POFUT3: variants seen among roughly 807,000 people sequenced by gnomAD.
POFUT3 encodes protein O-fucosyltransferase 3.
chr8:33,408,769 C>T, the POFUT3 span, among the ~76,000 whole-genome samples: 10 of 152,122 alleles, frequency 6.6e-5, no homozygotes, highest in South Asian at 2.1e-3. Context: ...TGACAGAAAT[C>T]AGGTCAGTGT....
the POFUT3 span, among the ~76,000 whole-genome samples, chr8:33,309,165 AAAATATATATATATATATATAT>A: frequency 2.5e-4 from 18 of 71,102 alleles, no homozygotes; most frequent in African/African-American, 1.5e-3. Context: ...AAAAAAAAAA[AAAATATATATATATATATATAT>A]ATATATATAT....
At chr8:33,369,287 T>C in the POFUT3 span, among the ~76,000 whole-genome samples, 1 of 152,228 alleles carries the variant, frequency 6.6e-6, no homozygotes, top group Admixed American at 6.5e-5. Flanking sequence ...AGACAGTATG[T>C]TGCAGAGTAG....
the POFUT3 span, among the ~76,000 whole-genome samples, chr8:33,451,066 A>ATGTG: frequency 0.098 from 14,481 of 147,732 alleles, 1,185 homozygotes; most frequent in African/African-American, 0.23. Flanking sequence ...AAGGAGGTGT[A>ATGTG]TGTGTGTGTG....
At chr8:33,350,893 A>G in the POFUT3 span, among the ~76,000 whole-genome samples, 1 of 152,208 alleles carries the variant, frequency 6.6e-6, no homozygotes, top group African/African-American at 2.4e-5. Context: ...GTATAAATAC[A>G]TTTATATACA....
the POFUT3 span, among the ~76,000 whole-genome samples, chr8:33,397,866 C>A: frequency 6.6e-6 from 1 of 152,150 alleles, no homozygotes; most frequent in Non-Finnish European, 1.5e-5. Context: ...CTTTCTATTG[C>A]AGTCAACATA....
At chr8:33,461,420 T>A in the POFUT3 span, 2 of 1,613,522 alleles carry the variant, frequency 1.2e-6, no homozygotes, top group Admixed American at 3.3e-5. Context: ...ACAGGCAAGA[T>A]GCCAAAAGCT....
the POFUT3 span, among the ~76,000 whole-genome samples, chr8:33,380,015 G>C: frequency 4.1e-3 from 219 of 53,402 alleles, 12 homozygotes; most frequent in African/African-American, 0.016. Flanking sequence ...TATATATATA[G>C]TATATATATA....
the POFUT3 span, among the ~76,000 whole-genome samples, chr8:33,349,445 C>T: frequency 4.6e-5 from 7 of 152,158 alleles, no homozygotes; most frequent in African/African-American, 7.2e-5. Context: ...TCCTACCCTT[C>T]GCACTAAGAC....
At chr8:33,331,756 AG>A in the POFUT3 span, among the ~76,000 whole-genome samples, 2 of 151,956 alleles carry the variant, frequency 1.3e-5, no homozygotes, top group Non-Finnish European at 2.9e-5. Flanking sequence ...GCTCACTGCA[AG>A]CTCCGCCTCC....
chr8:33,437,237 C>T, the POFUT3 span, among the ~76,000 whole-genome samples: 222 of 152,168 alleles, frequency 1.5e-3, no homozygotes, highest in African/African-American at 4.8e-3. Context: ...GAGTGCATTA[C>T]ATCCTTTTTC....
the POFUT3 span, among the ~76,000 whole-genome samples, chr8:33,366,257 G>A: frequency 1.3e-5 from 2 of 152,226 alleles, no homozygotes; most frequent in African/African-American, 4.8e-5. Flanking sequence ...GGGCCTGTCG[G>A]GGATGGGAGG....
chr8:33,380,247 C>G, the POFUT3 span, among the ~76,000 whole-genome samples: 96 of 80,262 alleles, frequency 1.2e-3, 3 homozygotes, highest in African/African-American at 2.8e-3. Flanking sequence ...TATATATATA[C>G]TATATATATA....
At chr8:33,334,546 G>C in the POFUT3 span, among the ~76,000 whole-genome samples, 3 of 152,262 alleles carry the variant, frequency 2.0e-5, no homozygotes, top group Non-Finnish European at 4.4e-5. Context: ...GTAGTACACT[G>C]GTCCGGGACA....
At chr8:33,406,807 C>G in the POFUT3 span, among the ~76,000 whole-genome samples, 1 of 152,042 alleles carries the variant, frequency 6.6e-6, no homozygotes, top group African/African-American at 2.4e-5. Context: ...TCAAGCAATC[C>G]TCCCATCTCA....
chr8:33,349,155 C>G, the POFUT3 span, among the ~76,000 whole-genome samples: 1 of 152,170 alleles, frequency 6.6e-6, no homozygotes, highest in African/African-American at 2.4e-5. Flanking sequence ...GTATTGGCTA[C>G]CAGTGCCAGA....
the POFUT3 span, among the ~76,000 whole-genome samples, chr8:33,376,059 T>G: frequency 6.6e-6 from 1 of 151,438 alleles, no homozygotes; most frequent in Non-Finnish European, 1.5e-5. Flanking sequence ...ACAGAAACAT[T>G]GGGTAAATAC....
At chr8:33,451,542 A>G in the POFUT3 span, among the ~76,000 whole-genome samples, 1 of 152,098 alleles carries the variant, frequency 6.6e-6, no homozygotes, top group African/African-American at 2.4e-5. Flanking sequence ...ATGCATATGT[A>G]TGCATAAATG....
At chr8:33,358,293 T>C in the POFUT3 span, among the ~76,000 whole-genome samples, 1 of 152,062 alleles carries the variant, frequency 6.6e-6, no homozygotes, top group Non-Finnish European at 1.5e-5. Flanking sequence ...GGATATTCTG[T>C]AAGATAAATG....
the POFUT3 span, among the ~76,000 whole-genome samples, chr8:33,471,885 C>T: frequency 6.6e-6 from 1 of 152,122 alleles, no homozygotes; most frequent in African/African-American, 2.4e-5. Context: ...TCACCTGAGG[C>T]TACCCAATCG....
Sources: gnomAD v4.1 joint callset for allele counts (sites outside exome capture counted in the v4.1 genomes callset) on GRCh38, gnomAD v4.1.1 for gene constraint, MANE v1.5 for transcripts, NCBI Gene and HGNC (gene_info 2026-07-23, HGNC 2026-07-21) for gene names.